The following OTOG variants were observed in gnomAD, a reference collection of about 807,000 sequenced individuals.
OTOG encodes the protein otogelin.
Under a neutral mutation model 313.8 loss-of-function variants are expected in OTOG, and 296 were observed. The ratio of observed to expected loss-of-function variants is 0.94; its 90% CI spans 0.86 to 1.04. OTOG has a LOEUF of 1.04. Ranked by LOEUF, OTOG falls within the 50% of genes least tolerant of loss-of-function variation. OTOG has a pLI of 0.00. For synonymous variants in OTOG, 1,533 were observed against 1,554.9 expected (o/e 0.99, Z 0.33); for missense variants, 3,948 against 3,840.1 (o/e 1.03, Z -0.74).
Position 17,609,135 on chromosome 11 carries a change from A to G in OTOG, c.4280A>G (p.Glu1427Gly). Residue 1427 changes from glutamate to glycine, a missense_variant, in exon 35 of 56, where the codon GAA becomes GGA. Coordinates refer to ENST00000399397, the MANE Select transcript of OTOG (RefSeq NM_001292063.2). ...GCTCCCTGCTCTGTCCTCAGGGTAG[A>G]AGGCTGTGTCCCTGTGTGCCCCACC... ...AASCRDVPRV[E>G]GCVPVCPTPQ... 1 of 1,550,450 alleles carries G rather than the reference A, an allele frequency of 6.4e-7. No homozygotes were observed. The highest frequency in any genetic ancestry group is 8.7e-7 in the Non-Finnish European group (1 of 1,146,850).
intron 51 of OTOG, 102 bp downstream of exon 51, chr11:17,641,193 C>T (rs896153900): frequency 2.3e-6 from 3 of 1,299,380 alleles, no homozygotes; most frequent in Admixed American, 2.3e-5. Flanking sequence ...TGCCCTAAAC[C>T]CCCAGGACAA....
intron 13 of OTOG, 111 bp downstream of exon 13, chr11:17,560,928 C>G (rs570395654): frequency 2.6e-6 from 3 of 1,175,182 alleles, no homozygotes; most frequent in East Asian, 5.1e-5. Context: ...TCACTCAGTA[C>G]CTTTGAGTCC....
At chr11:17,611,498 GAGTTTT>G in intron 36 of OTOG, 75 bp downstream of exon 36, 1 of 1,373,986 alleles carries the variant, frequency 7.3e-7, no homozygotes, top group Non-Finnish European at 9.7e-7. Context: ...CTGCTAGATG[GAGTTTT>G]AGTCGCTATC....
intron 42 of OTOG, 48 bp from the exon 43 acceptor site, chr11:17,633,632 C>G (rs1346925796): frequency 2.0e-6 from 3 of 1,464,282 alleles, no homozygotes; most frequent in South Asian, 2.8e-5. Context: ...CAGTGGGGAG[C>G]CCTGCCTGGG....
chr11:17,639,715 A>G (rs72871854), intron 49 of OTOG, among the ~76,000 whole-genome samples: 1 of 152,300 alleles, frequency 6.6e-6, no homozygotes, highest in Non-Finnish European at 1.5e-5. Flanking sequence ...TGAAGATGAT[A>G]ATGATGATGC....
chr11:17,592,248 T>G (rs1852964018), intron 25 of OTOG, among the ~76,000 whole-genome samples: 4 of 152,164 alleles, frequency 2.6e-5, no homozygotes, highest in Admixed American at 2.6e-4. Context: ...ATAGCCTATC[T>G]CATCTTATAA....
rs990516929 is a variant in OTOG at position 17,555,804 on chromosome 11, C to G, written c.566C>G (p.Ser189Cys). 31 of 1,550,544 alleles carry G rather than the reference C, an allele frequency of 2.0e-5. No homozygotes were observed. The highest frequency in any genetic ancestry group is 2.5e-5 in the Non-Finnish European group (29 of 1,147,016). ...GTACACAATGACCCGCAGTGTGGCT[C>G]TTCACCCTACACCTGCTCCAGGGCT... ...IQVHNDPQCG[S>C]SPYTCSRAVS... Residue 189 changes from serine (S) to cysteine (C), a missense_variant, in exon 7 of 56, where the codon TCT becomes TGT. By Grantham distance (112) the Ser-to-Cys change is moderately radical (BLOSUM62 -1). Transcript: ENST00000399397.
intron 44 of OTOG, among the ~76,000 whole-genome samples, chr11:17,634,594 C>T (rs934978774): frequency 1.3e-5 from 2 of 152,126 alleles, no homozygotes; most frequent in South Asian, 2.1e-4. Flanking sequence ...GAAGATCGAT[C>T]GGGCCCATCT....
intron 23 of OTOG, among the ~76,000 whole-genome samples, chr11:17,583,942 A>G (rs1852733836): frequency 6.6e-6 from 1 of 152,182 alleles, no homozygotes; most frequent in African/African-American, 2.4e-5. Flanking sequence ...CCAAACCACA[A>G]ATATGGTATT....
chr11:17,552,302 C>A (rs754796874), intron 4 of OTOG, among the ~76,000 whole-genome samples: 5 of 152,196 alleles, frequency 3.3e-5, no homozygotes, highest in Non-Finnish European at 7.3e-5. Context: ...GACCATGGCC[C>A]GGGACTGCCC....
chr11:17,633,925 T>C, intron 43 of OTOG, 51 bp downstream of exon 43: 1 of 1,491,910 alleles, frequency 6.7e-7, no homozygotes, highest in Non-Finnish European at 8.9e-7. Context: ...AGCCTCAGCC[T>C]CGCCTCCTGC....
At chr11:17,635,263 A>C in intron 46 of OTOG, 76 bp downstream of exon 46, 1 of 1,224,812 alleles carries the variant, frequency 8.2e-7, no homozygotes, top group Non-Finnish European at 1.1e-6. Flanking sequence ...GTCCTTGGGC[A>C]GCTGGGAGGA....
At position 17,610,139 on chromosome 11, in the gene OTOG, C is replaced by T. The variant is rs1048628929; in HGVS notation, c.4839C>T (p.Phe1613=). Reference sequence around the variant, plus strand: ...CCCGGTCGCCCCCTGCCCCTCGCTTCCCGCTCATGACCAAGGCTGTGACAG... The same window carrying T: ...CCCGGTCGCCCCCTGCCCCTCGCTTTCCGCTCATGACCAAGGCTGTGACAG... The part of the protein sequence containing the change: ...VSSRSPPAPR[F]PLMTKAVTVR... The change falls in exon 36 of 56, where the codon TTC becomes TTT. Residue 1613 remains phenylalanine, a synonymous_variant. Coordinates refer to ENST00000399397, the MANE Select transcript of OTOG (RefSeq NM_001292063.2). The T allele has an allele frequency of 9.7e-6, 15 of 1,550,558 alleles. No individual in the cohort carries two copies. Among genetic ancestry groups the T allele is most frequent in the East Asian group, 2.4e-5 (1 of 40,928 alleles).
Position 17,610,134 on chromosome 11 carries a change from C to T in OTOG, c.4834C>T (p.Arg1612Cys), listed in dbSNP as rs546247260. 4.3e-5 allele frequency: 66 copies of T among 1,550,508 alleles called. No homozygotes were observed. Among genetic ancestry groups the T allele is most frequent in the Non-Finnish European group, 5.1e-5 (58 of 1,146,976 alleles). Reference sequence around the variant, plus strand: ...CTCCTCCCGGTCGCCCCCTGCCCCTCGCTTCCCGCTCATGACCAAGGCTGT... The same window carrying T: ...CTCCTCCCGGTCGCCCCCTGCCCCTTGCTTCCCGCTCATGACCAAGGCTGT... ...TVSSRSPPAP[R>C]FPLMTKAVTV... The change falls in exon 36 of 56, where the codon CGC becomes TGC. Residue 1612 changes from arginine to cysteine, a missense_variant. Arg to Cys is a radical substitution (Grantham distance 180). Coordinates refer to ENST00000399397, the MANE Select transcript of OTOG (RefSeq NM_001292063.2).
At chr11:17,626,196 GAC>G (rs1380130729) in intron 39 of OTOG, among the ~76,000 whole-genome samples, 1 of 152,124 alleles carries the variant, frequency 6.6e-6, no homozygotes, top group Non-Finnish European at 1.5e-5. Flanking sequence ...TTGTTTTTCA[GAC>G]AGAGTCTCAC....
intron 39 of OTOG, among the ~76,000 whole-genome samples, chr11:17,627,684 G>A (rs1854020684): frequency 1.3e-5 from 2 of 152,164 alleles, no homozygotes; most frequent in Admixed American, 6.5e-5. Context: ...ATGTTTGGTA[G>A]AAGTCAGCAG....
chr11:17,591,637 G>T, intron 25 of OTOG, 49 bp downstream of exon 25: 1 of 1,544,818 alleles, frequency 6.5e-7, no homozygotes, highest in South Asian at 1.2e-5. Context: ...ACAGCTGTCA[G>T]GGCACTCTGG....
intron 52 of OTOG, 64 bp from the exon 53 acceptor site, chr11:17,642,063 C>T: frequency 1.3e-6 from 2 of 1,519,438 alleles, no homozygotes; most frequent in Non-Finnish European, 1.8e-6. Flanking sequence ...CTCCCAGACC[C>T]TATGGGTTTG....
chr11:17,586,874 G>A (rs1354711876), intron 24 of OTOG, among the ~76,000 whole-genome samples: 2 of 152,202 alleles, frequency 1.3e-5, no homozygotes, highest in Non-Finnish European at 2.9e-5. Context: ...ATATGAGTGT[G>A]AGTGCAAATC....
Sources: allele counts gnomAD v4.1 joint callset (sites outside exome capture counted in the v4.1 genomes callset), GRCh38; gene constraint gnomAD v4.1.1; transcripts MANE v1.5; gene names NCBI Gene and HGNC (gene_info 2026-07-23, HGNC 2026-07-21).